The following BNIP2 variants were observed in gnomAD, a reference collection of about 807,000 sequenced individuals.
BNIP2 encodes BCL2/adenovirus E1B 19 kDa protein-interacting protein 2.
Under a neutral mutation model 43.4 loss-of-function variants are expected in BNIP2, and 36 were observed. That is an observed-to-expected ratio of 0.83 (90% confidence interval 0.64 to 1.10). BNIP2 has a LOEUF of 1.10. Ranked by LOEUF, BNIP2 falls within the 50% of genes least tolerant of loss-of-function variation. BNIP2 has a pLI of 0.00. For missense variants in BNIP2, 417 were observed against 374.1 expected, an observed-to-expected ratio of 1.11 and a Z score of -0.95; for synonymous variants, 146 against 121.0, an observed-to-expected ratio of 1.21 and a Z score of -1.35.
At chr15:59,665,061 C>G (rs1049690330) in intron 9 of BNIP2, among the ~76,000 whole-genome samples, 28 of 150,868 alleles carry the variant, frequency 1.9e-4, no homozygotes, top group African/African-American at 6.6e-4. Context: ...GTCAGGAGTT[C>G]GAGACCAGCC....
chr15:59,685,392 T>C (rs1269385038), intron 1 of BNIP2, among the ~76,000 whole-genome samples: 1 of 152,018 alleles, frequency 6.6e-6, no homozygotes, highest in African/African-American at 2.4e-5. Flanking sequence ...TCCCAGCTAC[T>C]ATGGAGGCTA....
At chr15:59,673,472 A>T (rs1566964622) in intron 5 of BNIP2, among the ~76,000 whole-genome samples, 1 of 151,582 alleles carries the variant, frequency 6.6e-6, no homozygotes, top group Non-Finnish European at 1.5e-5. Flanking sequence ...ATTGCCCAGG[A>T]TGGAGTGCAG....
rs969376955 is a variant in BNIP2, at chr15:59,678,261, T to C, written c.296-174A>G. 11 of 1,344,462 alleles carry C rather than the reference T, an allele frequency of 8.2e-6. No homozygotes were observed. In the Middle Eastern group the frequency reaches 8.3e-4, roughly 101 times the overall value. The allele number at this position is 1,344,462 out of a possible 1,614,324, so 83.3% of individuals were successfully genotyped here. A position where few individuals can be genotyped will look rare whatever the true frequency, so the allele number is the denominator to read the frequency against. On this transcript the variant is annotated intron_variant, in intron 4 of 9. Coordinates refer to ENST00000607373, the MANE Select transcript of BNIP2 (RefSeq NM_004330.4). ...GCTTATTCTTAACATGAGGCTGTTT[T>C]ATGTCTTTGGAAATCATGGTTCTTT...
chr15:59,665,981 T>TC (rs11393298), intron 9 of BNIP2, among the ~76,000 whole-genome samples: 100,692 of 151,996 alleles, frequency 0.66, 33,634 homozygotes, highest in African/African-American at 0.74. Context: ...TTGGAATGTA[T>TC]TTCTGATAAG....
rs117855194 is a variant in BNIP2, at chr15:59,675,816, A to C, written c.472+2095T>G. On this transcript the variant is annotated intron_variant, in intron 5 of 9. Transcript: ENST00000607373. The stretch of plus-strand genomic sequence containing the variant: ...GAATGTACTGTGGATACGTGCAACA[A>C]CATGGATGAATCTCAAAAACTTCAT... 6.8e-3 allele frequency among the ~76,000 whole-genome samples: 1,039 copies of C among 152,376 alleles called. 11 individuals carry two copies. The highest frequency in any genetic ancestry group is 0.011 in the Non-Finnish European group (731 of 68,040).
In BNIP2 at chr15:59,689,311, C is replaced by T. The variant is rs3087329; in HGVS notation, c.-234G>A. ...ACGGCGTCGGCGGCAGCAGCTGACC[C>T]GGACACAGTGAGAAGCCCCGGCGGA... On this transcript the variant is annotated 5_prime_UTR_variant, in exon 1 of 10. Coordinates refer to ENST00000607373, the MANE Select transcript of BNIP2 (RefSeq NM_004330.4). The T allele has an allele frequency of 5.6e-5, 87 of 1,547,406 alleles. No individual in the cohort carries two copies. The African/African-American group carries it at 1.1e-3, about 20-fold the overall frequency.
chr15:59,684,799 A>G (rs151060452), intron 1 of BNIP2, among the ~76,000 whole-genome samples: 31 of 152,344 alleles, frequency 2.0e-4, no homozygotes, highest in African/African-American at 5.5e-4. Context: ...TCTTTTTCAA[A>G]TATCTCAAAT....
intron 9 of BNIP2, 21 bp from the exon 10 acceptor site, chr15:59,664,141 A>G (rs934148761): frequency 1.3e-5 from 19 of 1,460,546 alleles, no homozygotes; most frequent in Non-Finnish European, 1.8e-5. Flanking sequence ...AAGAATATAT[A>G]AAATAAGAAA....
intron 1 of BNIP2, chr15:59,688,839 CGGA>C: frequency 6.9e-7 from 1 of 1,456,478 alleles, no homozygotes; most frequent in Non-Finnish European, 9.1e-7. Context: ...GGTGGGGGAG[CGGA>C]GGAGGGGCAA....
chr15:59,669,010 T>A lies in BNIP2; in HGVS notation c.795-20A>T. The A allele has an allele frequency of 7.6e-6, 12 of 1,579,352 alleles. No individual in the cohort carries two copies. The highest frequency in any genetic ancestry group is 9.6e-6 in the Non-Finnish European group (11 of 1,150,346). ...TTCGAGCTATGGAAGAAAATAAAAA[T>A]AATTACTTCCATATTTCTGACAAAT... On this transcript the variant is annotated intron_variant, in intron 8 of 9. Coordinates refer to ENST00000607373, the MANE Select transcript of BNIP2 (RefSeq NM_004330.4).
intron 1 of BNIP2, among the ~76,000 whole-genome samples, chr15:59,687,707 C>G (rs969962971): frequency 2.0e-5 from 3 of 152,072 alleles, no homozygotes; most frequent in Non-Finnish European, 4.4e-5. Context: ...TCTCTGACAC[C>G]TTCCTCCCTA....
At chr15:59,681,094 T>C (rs1436640909) in intron 2 of BNIP2, among the ~76,000 whole-genome samples, 1 of 152,230 alleles carries the variant, frequency 6.6e-6, no homozygotes, top group Non-Finnish European at 1.5e-5. Context: ...GCTCAATTTT[T>C]ACTCACGAGA....
chr15:59,683,751 G>A (rs994714864), intron 1 of BNIP2, among the ~76,000 whole-genome samples: 6 of 152,166 alleles, frequency 3.9e-5, no homozygotes, highest in Non-Finnish European at 7.4e-5. Context: ...CCTGGGAGGT[G>A]GAGGTTGCAG....
chr15:59,678,855 GAA>G lies in BNIP2; in HGVS notation c.295+735_295+736del, dbSNP rs1219649782. 6.1e-6 allele frequency: 8 copies of G among 1,302,414 alleles called. No individual in the cohort carries two copies. The African/African-American group carries it at 1.2e-4, about 20-fold the overall frequency. 80.7% of individuals were successfully genotyped at this position (1,302,414 alleles called of 1,614,324 possible). A position where few individuals can be genotyped will look rare whatever the true frequency, so the allele number is the denominator to read the frequency against. On this transcript the variant is annotated intron_variant, in intron 4 of 9. Coordinates refer to ENST00000607373, the MANE Select transcript of BNIP2 (RefSeq NM_004330.4). Reference sequence around the variant, plus strand: ...AATGACTACAGCAGCATTAAAGAAAGAAGAGACAAAACACATAGGCACAAAAC... The same window carrying G: ...AATGACTACAGCAGCATTAAAGAAAGGAGACAAAACACATAGGCACAAAAC...
In BNIP2 at chr15:59,689,177, G is replaced by A; in HGVS notation, c.-100C>T. ...CCCCCTCGTCCTCTTCGCCCCTCCA[G>A]GCCGGCGACGTGGGGCTGACGGCCA... On this transcript the variant is annotated 5_prime_UTR_variant, in exon 1 of 10. Transcript: ENST00000607373. 6.5e-7 allele frequency: 1 copy of A among 1,538,730 alleles called. No homozygotes were observed. The highest frequency in any genetic ancestry group is 8.7e-7 in the Non-Finnish European group (1 of 1,146,470).
At chr15:59,669,062 C>T in intron 8 of BNIP2, 72 bp from the exon 9 acceptor site, 1 of 1,333,356 alleles carries the variant, frequency 7.5e-7, no homozygotes, top group Non-Finnish European at 1.0e-6. Context: ...TTACAAGATA[C>T]AAAAATCATG....
intron 9 of BNIP2, among the ~76,000 whole-genome samples, chr15:59,664,699 T>G (rs1362170297): frequency 1.3e-5 from 2 of 152,134 alleles, no homozygotes; most frequent in African/African-American, 4.8e-5. Flanking sequence ...TCTTAAAAGT[T>G]CAAATTACAT....
intron 1 of BNIP2, among the ~76,000 whole-genome samples, chr15:59,688,083 G>T (rs1419938492): frequency 2.6e-5 from 4 of 152,184 alleles, no homozygotes; most frequent in African/African-American, 9.7e-5. Flanking sequence ...TGCAGAAGTG[G>T]ATCTGTCATA....
intron 5 of BNIP2, among the ~76,000 whole-genome samples, chr15:59,674,603 A>G (rs1893149306): frequency 6.6e-6 from 1 of 152,220 alleles, no homozygotes; most frequent in African/African-American, 2.4e-5. Context: ...GACTGTAGAA[A>G]TAAGCAGGGG....
Sources: gnomAD v4.1 joint callset for allele counts (sites outside exome capture counted in the v4.1 genomes callset) on GRCh38, gnomAD v4.1.1 for gene constraint, MANE v1.5 for transcripts, NCBI Gene and HGNC (gene_info 2026-07-23, HGNC 2026-07-21) for gene names.